The following SORCS1 variants were observed in gnomAD, a reference collection of about 807,000 sequenced individuals.
SORCS1 encodes sortilin related VPS10 domain containing receptor 1, also known as VPS10 domain-containing receptor SorCS1.
SORCS1 carries 60 observed loss-of-function variants against 146.1 expected under a neutral mutation model. The ratio of observed to expected loss-of-function variants is 0.41; its 90% CI spans 0.33 to 0.51. SORCS1 has a LOEUF of 0.51. Ranked by LOEUF, SORCS1 falls within the 20% of genes least tolerant of loss-of-function variation. SORCS1 has a pLI of 0.21. For synonymous variants in SORCS1, 637 were observed against 584.0 expected, an observed-to-expected ratio of 1.09 and a Z score of -1.31; for missense variants, 1,352 against 1,487.6, an observed-to-expected ratio of 0.91 and a Z score of 1.50.
At chr10:106,854,681 G>A in intron 2 of SORCS1, among the ~76,000 whole-genome samples, 1 of 151,906 alleles carries the variant, frequency 6.6e-6, no homozygotes, top group African/African-American at 2.4e-5. Flanking sequence ...TACCACTAAT[G>A]AAGTTCACTT....
At chr10:106,672,053 G>A (rs1851649113) in intron 15 of SORCS1, among the ~76,000 whole-genome samples, 1 of 152,150 alleles carries the variant, frequency 6.6e-6, no homozygotes, top group Admixed American at 6.5e-5. Flanking sequence ...CTCCTTTTGT[G>A]TTTCTGAAAG....
chr10:107,092,865 G>A (rs187644741), intron 1 of SORCS1, among the ~76,000 whole-genome samples: 35 of 142,978 alleles, frequency 2.4e-4, no homozygotes, highest in African/African-American at 7.5e-4. Flanking sequence ...CCAGGTTCAC[G>A]GGCTAAAAGA....
rs1024084336 is a variant in SORCS1, at chr10:106,983,033, C to T, written c.559-26453G>A. ...TACCAAAGGTGCTTAAAAAAAAAGA[C>T]ATGCAAATGAGTGATTTTTAAATAT... On this transcript the variant is annotated intron_variant, in intron 1 of 25. Coordinates refer to ENST00000263054, the MANE Select transcript of SORCS1 (RefSeq NM_052918.5). Among the ~76,000 whole-genome samples, 5 of 151,300 alleles carry T rather than the reference C, an allele frequency of 3.3e-5. No individual in the cohort carries two copies. The South Asian group carries it at 1.0e-3, about 31-fold the overall frequency.
At chr10:106,711,067 G>T (rs1854945341) in intron 6 of SORCS1, among the ~76,000 whole-genome samples, 1 of 152,120 alleles carries the variant, frequency 6.6e-6, no homozygotes. Context: ...GCTCCCATTA[G>T]AATGTAATCT....
At chr10:106,827,858 A>G (rs972458903) in intron 3 of SORCS1, among the ~76,000 whole-genome samples, 4 of 152,260 alleles carry the variant, frequency 2.6e-5, no homozygotes, top group African/African-American at 9.6e-5. Flanking sequence ...AATTAAAATT[A>G]AATGAAATTT....
intron 1 of SORCS1, among the ~76,000 whole-genome samples, chr10:107,088,386 C>A (rs2134289023): frequency 6.6e-6 from 1 of 152,268 alleles, no homozygotes; most frequent in East Asian, 1.9e-4. Flanking sequence ...GCAGCTTTTA[C>A]TCAATGCACT....
At chr10:107,115,324 C>A (rs1247629210) in intron 1 of SORCS1, among the ~76,000 whole-genome samples, 1 of 151,508 alleles carries the variant, frequency 6.6e-6, no homozygotes, top group Non-Finnish European at 1.5e-5. Context: ...AAGAACAAAG[C>A]TAGAGGCATC....
upstream of SORCS1, among the ~76,000 whole-genome samples, chr10:107,167,829 GAGAC>G (rs1194944694): frequency 2.0e-5 from 3 of 151,914 alleles, no homozygotes; most frequent in African/African-American, 7.3e-5. Context: ...TATAAAGAGA[GAGAC>G]AGAAGCAGAT....
chr10:106,858,878 C>T (rs1373464324), intron 2 of SORCS1, among the ~76,000 whole-genome samples: 1 of 152,196 alleles, frequency 6.6e-6, no homozygotes, highest in South Asian at 2.1e-4. Context: ...TGACATCCTT[C>T]TTATACAAAC....
At chr10:107,163,215 T>C (rs988980649) in intron 1 of SORCS1, among the ~76,000 whole-genome samples, 1 of 152,228 alleles carries the variant, frequency 6.6e-6, no homozygotes, top group Non-Finnish European at 1.5e-5. Flanking sequence ...ATTTGTGCTC[T>C]TCATTAGAGG....
At chr10:107,052,540 G>A (rs1380211715) in intron 1 of SORCS1, among the ~76,000 whole-genome samples, 1 of 152,104 alleles carries the variant, frequency 6.6e-6, no homozygotes, top group Admixed American at 6.6e-5. Flanking sequence ...ATTATTTACT[G>A]AGCACCTACT....
intron 2 of SORCS1, among the ~76,000 whole-genome samples, chr10:106,945,103 G>T (rs982205966): frequency 3.3e-5 from 5 of 151,740 alleles, no homozygotes; most frequent in Admixed American, 6.6e-5. Flanking sequence ...GGCCAGGCTG[G>T]TCTTGAACTC....
Position 106,597,594 on chromosome 10 carries a change from T to G in SORCS1, c.3166-144A>C, listed in dbSNP as rs41291858. 2,813 of 613,898 alleles carry G rather than the reference T, an allele frequency of 4.6e-3. 8 individuals carry two copies. The highest frequency in any genetic ancestry group is 6.2e-3 in the Non-Finnish European group (2,217 of 358,346). The allele number at this position is 613,898 out of a possible 1,614,324, so 38.0% of individuals were successfully genotyped here. A position where few individuals can be genotyped will look rare whatever the true frequency, so the allele number is the denominator to read the frequency against. On this transcript the variant is annotated intron_variant, in intron 23 of 25. Transcript: ENST00000263054. Reference sequence around the variant, plus strand: ...AAATAAGGTTTATATGATTTTGATTTAATTCCAGAATATGCAGATACAATT... The same window carrying G: ...AAATAAGGTTTATATGATTTTGATTGAATTCCAGAATATGCAGATACAATT...
intron 24 of SORCS1, among the ~76,000 whole-genome samples, chr10:106,590,197 A>G (rs533009544): frequency 6.6e-5 from 10 of 152,132 alleles, no homozygotes; most frequent in Middle Eastern, 3.4e-3. Context: ...TGCAATGCTT[A>G]TTTGCTCTTT....
rs553032484 is a variant in SORCS1 at position 107,034,680 on chromosome 10, C to CAAAAAAA, written c.559-78107_559-78101dup. On this transcript the variant is annotated intron_variant, in intron 1 of 25. Transcript: ENST00000263054. ...GGGAAACATGAGCGAAACTCCATCTCAAAAAAAAAAAAAAAAAAAAAAAAA... is the reference window on the plus strand; with the variant it reads ...GGGAAACATGAGCGAAACTCCATCTCAAAAAAAAAAAAAAAAAAAAAAAAAAAAAAAA... Among the ~76,000 whole-genome samples, 25 of 13,794 alleles carry CAAAAAAA rather than the reference C, an allele frequency of 1.8e-3. 1 individual carries two copies. The highest frequency in any genetic ancestry group is 6.9e-3 in the South Asian group (1 of 144). 9.0% of individuals were successfully genotyped at this position (13,794 alleles called of 152,430 possible). A position where few individuals can be genotyped will look rare whatever the true frequency, so the allele number is the denominator to read the frequency against.
intron 1 of SORCS1, among the ~76,000 whole-genome samples, chr10:106,984,345 C>T (rs1387414350): frequency 6.6e-6 from 1 of 151,560 alleles, no homozygotes; most frequent in East Asian, 1.9e-4. Context: ...CTTTGCAAGA[C>T]TTTAGACAGA....
intron 6 of SORCS1, 31 bp downstream of exon 6, chr10:106,730,019 A>G: frequency 6.2e-7 from 1 of 1,608,528 alleles, no homozygotes; most frequent in Non-Finnish European, 8.5e-7. Flanking sequence ...TAATATTACT[A>G]TGAGTATTGC....
intron 6 of SORCS1, among the ~76,000 whole-genome samples, chr10:106,716,952 A>G (rs1589726325): frequency 1.3e-5 from 2 of 152,168 alleles, no homozygotes; most frequent in East Asian, 3.9e-4. Context: ...CCTGACCAAC[A>G]CAGCAAAAAA....
At chr10:107,140,495 C>T (rs2134712602) in intron 1 of SORCS1, among the ~76,000 whole-genome samples, 1 of 152,292 alleles carries the variant, frequency 6.6e-6, no homozygotes, top group African/African-American at 2.4e-5. Context: ...CATGTTGTCA[C>T]AGACTGAGCT....
Sources: allele counts gnomAD v4.1 joint callset (sites outside exome capture counted in the v4.1 genomes callset), GRCh38; gene constraint gnomAD v4.1.1; transcripts MANE v1.5; gene names NCBI Gene and HGNC (gene_info 2026-07-23, HGNC 2026-07-21).